Variants in CCDC186 observed in about 807,000 individuals in gnomAD.
CCDC186 encodes coiled-coil domain containing 186, also known as coiled-coil domain-containing protein 186.
In CCDC186, 49 loss-of-function variants were observed where a neutral mutation model predicts 113.7. The ratio of observed to expected loss-of-function variants is 0.43; its 90% CI spans 0.34 to 0.55. The LOEUF (loss-of-function observed/expected upper bound fraction) is 0.55, where lower values mean the gene tolerates loss of function less well. CCDC186 is among the 20% of genes least tolerant of loss of function. CCDC186 has a pLI of 0.02. For missense variants in CCDC186, 890 were observed against 1,011.1 expected (o/e 0.88, Z 1.62); for synonymous variants, 355 against 345.8 (o/e 1.03, Z -0.30).
At chr10:114,130,477 C>T (rs2031052961) in intron 12 of CCDC186, 2 of 152,894 alleles carry the variant, frequency 1.3e-5, no homozygotes, top group African/African-American at 4.8e-5. Flanking sequence ...AAGCATATAG[C>T]ACAGACACCC....
In CCDC186 at chr10:114,174,009, A is replaced by T; in HGVS notation, c.-62+6T>A. 1 of 470,608 alleles carries T rather than the reference A, an allele frequency of 2.1e-6. No individual in the cohort carries two copies. The allele number at this position is 470,608 out of a possible 1,614,324, so 29.2% of individuals were successfully genotyped here. On this transcript the variant is annotated splice_donor_region_variant and intron_variant, in intron 1 of 15. Coordinates refer to ENST00000369287, the MANE Select transcript of CCDC186 (RefSeq NM_018017.4). ...GGTGTGCCCCGAGTACCCCTCAGAC[A>T]CTTACCCCACTTATCCAAGCCTCAG...
intron 2 of CCDC186, among the ~76,000 whole-genome samples, chr10:114,158,600 A>C (rs1589628353): frequency 6.6e-6 from 1 of 151,980 alleles, no homozygotes; most frequent in Non-Finnish European, 1.5e-5. Flanking sequence ...ATGATGGCTC[A>C]TGCCAGGAGT....
chr10:114,165,990 C>A (rs1466897710), intron 1 of CCDC186: 2 of 940,260 alleles, frequency 2.1e-6, no homozygotes, highest in African/African-American at 3.6e-5. Flanking sequence ...ATGGCTAGAA[C>A]CTGTCTTAAT....
In CCDC186 at chr10:114,131,924, C is replaced by T. The variant is rs749453769; in HGVS notation, c.1911+5G>A. ...GTTTTAAAAAAAATGTAAATTTATA[C>T]TTACCAAATTAATATTTGTCTGTTT... is the stretch of plus-strand genomic sequence containing the variant. On this transcript the variant is annotated splice_donor_5th_base_variant and intron_variant, in intron 11 of 15. Coordinates refer to ENST00000369287, the MANE Select transcript of CCDC186 (RefSeq NM_018017.4). The T allele has an allele frequency of 3.1e-6, 5 of 1,593,158 alleles. No individual in the cohort carries two copies. Among genetic ancestry groups the T allele is most frequent in the Non-Finnish European group, 3.4e-6 (4 of 1,168,752 alleles).
At chr10:114,129,325 A>AAAG (rs1041333062) in intron 13 of CCDC186, among the ~76,000 whole-genome samples, 13 of 147,876 alleles carry the variant, frequency 8.8e-5, no homozygotes, top group African/African-American at 2.5e-4. Context: ...AAAAAAAAAA[A>AAAG]GAAAGAAAAA....
In CCDC186 at chr10:114,165,779, C is replaced by T. The variant is rs766782766; in HGVS notation, c.-61-2450G>A. The T allele has an allele frequency of 1.4e-5, 7 of 502,030 alleles. No individual in the cohort carries two copies. In the Admixed American group the frequency reaches 2.8e-4, roughly 20 times the overall value. The allele number at this position is 502,030 out of a possible 1,614,324, so 31.1% of individuals were successfully genotyped here. On this transcript the variant is annotated intron_variant, in intron 1 of 15. Transcript: ENST00000369287. Reference sequence around the variant, plus strand: ...AGGAGAATCGCTTGAACCCAGGAGGCGGAGGTTGTAGTGGGCCAAGATCGT... The same window carrying T: ...AGGAGAATCGCTTGAACCCAGGAGGTGGAGGTTGTAGTGGGCCAAGATCGT...
intron 4 of CCDC186, among the ~76,000 whole-genome samples, chr10:114,150,010 T>G (rs547989110): frequency 4.6e-5 from 7 of 152,190 alleles, no homozygotes; most frequent in Admixed American, 3.3e-4. Context: ...AGCAGGAGAG[T>G]TAAACATAAC....
intron 13 of CCDC186, among the ~76,000 whole-genome samples, chr10:114,129,367 A>G (rs2031014219): frequency 6.6e-6 from 1 of 151,856 alleles, no homozygotes; most frequent in Non-Finnish European, 1.5e-5. Flanking sequence ...GAAGGTAGGG[A>G]GACAGATCAT....
intron 1 of CCDC186, among the ~76,000 whole-genome samples, chr10:114,166,396 T>C (rs1398090824): frequency 3.3e-5 from 5 of 152,210 alleles, no homozygotes; most frequent in Non-Finnish European, 7.3e-5. Context: ...TAATGTCACA[T>C]CTTCCTCCAA....
chr10:114,173,705 G>A (rs2032596445), intron 1 of CCDC186, among the ~76,000 whole-genome samples: 1 of 152,178 alleles, frequency 6.6e-6, no homozygotes, highest in Non-Finnish European at 1.5e-5. Context: ...CCCAGGCAAT[G>A]GGCTCGAATT....
intron 13 of CCDC186, among the ~76,000 whole-genome samples, chr10:114,129,665 G>A (rs1394047800): frequency 6.6e-6 from 1 of 152,148 alleles, no homozygotes. Context: ...GAGTAGCTGG[G>A]ATTGCAGGCG....
intron 7 of CCDC186, 61 bp downstream of exon 7, chr10:114,137,123 GAA>G (rs1028446217): frequency 1.5e-6 from 2 of 1,301,894 alleles, no homozygotes; most frequent in African/African-American, 2.9e-5. Flanking sequence ...TCTAAAAAAA[GAA>G]AAAGAGAGAA....
intron 3 of CCDC186, among the ~76,000 whole-genome samples, chr10:114,153,740 C>A (rs1450486897): frequency 6.8e-6 from 1 of 145,986 alleles, no homozygotes; most frequent in East Asian, 2.0e-4. Flanking sequence ...AAGCCAAGAT[C>A]ACGCCACTGC....
At chr10:114,159,697 G>A (rs2032111530) in intron 2 of CCDC186, among the ~76,000 whole-genome samples, 1 of 150,308 alleles carries the variant, frequency 6.7e-6, no homozygotes, top group Admixed American at 6.6e-5. Flanking sequence ...GTGCATGCCT[G>A]TAATCCTGGC....
Position 114,163,165 on chromosome 10 carries a change from C to T in CCDC186, c.104G>A (p.Ser35Asn), listed in dbSNP as rs749857508. Residue 35 changes from serine (S) to asparagine (N), a missense_variant, in exon 2 of 16, where the codon AGC becomes AAC. Physicochemically the swap from Ser to Asn is conservative, Grantham distance 46 (BLOSUM62 1). Transcript: ENST00000369287. Reference sequence around the variant, plus strand: ...TTTGGACTCATTTTCTAATTTGCTGCTTTCATTGCCAGAAAACAAGTTGCA... The same window carrying T: ...TTTGGACTCATTTTCTAATTTGCTGTTTTCATTGCCAGAAAACAAGTTGCA... Reference protein sequence around the residue: ...DSCNLFSGNESSKLENESKLL... With the variant: ...DSCNLFSGNENSKLENESKLL... 6 of 1,613,856 alleles carry T rather than the reference C, an allele frequency of 3.7e-6. No individual in the cohort carries two copies. Among genetic ancestry groups the T allele is most frequent in the Non-Finnish European group, 5.1e-6 (6 of 1,179,960 alleles).
At chr10:114,165,285 G>A (rs1230006617) in intron 1 of CCDC186, among the ~76,000 whole-genome samples, 1 of 152,232 alleles carries the variant, frequency 6.6e-6, no homozygotes, top group East Asian at 1.9e-4. Flanking sequence ...AATAAACGGA[G>A]TAAATAAAAG....
chr10:114,129,938 C>T lies in CCDC186; in HGVS notation c.2135G>A (p.Ser712Asn). Residue 712 changes from serine to asparagine, a missense_variant, in exon 13 of 16, where the codon AGC becomes AAC. Ser to Asn is a conservative substitution (Grantham distance 46). Coordinates refer to ENST00000369287, the MANE Select transcript of CCDC186 (RefSeq NM_018017.4). Reference protein sequence around the residue: ...RRKLDQVESGSYDKEVSSMGS... With the variant: ...RRKLDQVESGNYDKEVSSMGS... ...CATGCTGCTGACTTCTTTGTCATAGCTTCCACTCTCAACCTGATCTAATTT... is the reference window on the plus strand; with the variant it reads ...CATGCTGCTGACTTCTTTGTCATAGTTTCCACTCTCAACCTGATCTAATTT... 1.9e-6 allele frequency: 3 copies of T among 1,613,614 alleles called. No individual in the cohort carries two copies. The highest frequency in any genetic ancestry group is 2.5e-6 in the Non-Finnish European group (3 of 1,179,708).
At chr10:114,136,604 A>G (rs2031269937) in intron 7 of CCDC186, among the ~76,000 whole-genome samples, 2 of 152,192 alleles carry the variant, frequency 1.3e-5, no homozygotes, top group South Asian at 2.1e-4. Flanking sequence ...TTATTAACCT[A>G]AGTTATTAGG....
At chr10:114,149,810 A>AAGGAAGGCAGGAAGGC (rs1478592932) in intron 4 of CCDC186, among the ~76,000 whole-genome samples, 1 of 60,292 alleles carries the variant, frequency 1.7e-5, no homozygotes, top group Non-Finnish European at 3.4e-5. Flanking sequence ...GGAAGGAAGG[A>AAGGAAGGCAGGAAGGC]AGGAAGGCAG....
Sources: allele counts gnomAD v4.1 joint callset (sites outside exome capture counted in the v4.1 genomes callset), GRCh38; gene constraint gnomAD v4.1.1; transcripts MANE v1.5; gene names NCBI Gene and HGNC (gene_info 2026-07-23, HGNC 2026-07-21).